The following DNAH3 variants were observed in gnomAD, a reference collection of about 807,000 sequenced individuals.
DNAH3 encodes the protein dynein axonemal heavy chain 3.
DNAH3 carries 332 observed loss-of-function variants against 432.5 expected under a neutral mutation model. That is an observed-to-expected ratio of 0.77 (90% CI 0.70 to 0.84). DNAH3 has a LOEUF of 0.84. DNAH3 is among the 40% of genes least tolerant of loss of function. The probability of loss-of-function intolerance (pLI) is 0.00; values close to 1 mark genes in which losing one functional copy is unlikely to be tolerated. For synonymous variants in DNAH3, 1,956 were observed against 1,900.2 expected, an observed-to-expected ratio of 1.03 and a Z score of -0.76; for missense variants, 4,861 against 5,114.0, an observed-to-expected ratio of 0.95 and a Z score of 1.51.
chr16:20,963,906 T>C, exon 53 of DNAH3: 1 of 1,614,144 alleles, frequency 6.2e-7, no homozygotes, highest in Non-Finnish European at 8.5e-7. Context: ...TGTAGAGATT[T>C]ATGAACCAAG....
intron 7 of DNAH3, among the ~76,000 whole-genome samples, chr16:21,133,405 C>A (rs1409634982): frequency 6.7e-6 from 1 of 149,324 alleles, no homozygotes; most frequent in East Asian, 2.0e-4. Context: ...CCCGCACACA[C>A]TTCATAGGCT....
At chr16:21,039,754 T>C (rs1458502557) in intron 33 of DNAH3, 98 bp downstream of exon 33, 1 of 925,064 alleles carries the variant, frequency 1.1e-6, no homozygotes, top group East Asian at 2.4e-5. Flanking sequence ...CTCAAGCTTC[T>C]CTCTCTTCTT....
intron 1 of DNAH3, among the ~76,000 whole-genome samples, chr16:21,148,649 T>C (rs2092816697): frequency 6.6e-6 from 1 of 151,924 alleles, no homozygotes; most frequent in Non-Finnish European, 1.5e-5. Flanking sequence ...CAGAACACAA[T>C]GGAAAGAGGG....
chr16:21,005,275 TTTC>T (rs1308965383), intron 41 of DNAH3, among the ~76,000 whole-genome samples: 3 of 147,402 alleles, frequency 2.0e-5, no homozygotes, highest in Non-Finnish European at 4.5e-5. Context: ...CCCTTCTTTC[TTTC>T]TTTCCTTCCT....
intron 24 of DNAH3, among the ~76,000 whole-genome samples, chr16:21,066,352 T>C (rs1312406197): frequency 1.3e-5 from 2 of 152,006 alleles, no homozygotes; most frequent in Non-Finnish European, 2.9e-5. Flanking sequence ...GAATTCACCT[T>C]TCCGAAACTA....
chr16:21,081,500 A>T, intron 20 of DNAH3, 136 bp downstream of exon 20: 1 of 587,906 alleles, frequency 1.7e-6, no homozygotes, highest in Non-Finnish European at 3.0e-6. Context: ...AGCTGCAGGT[A>T]ATTAAATAGC....
chr16:21,073,332 G>A (rs945106881), intron 21 of DNAH3, among the ~76,000 whole-genome samples: 3 of 152,138 alleles, frequency 2.0e-5, no homozygotes, highest in South Asian at 2.1e-4. Flanking sequence ...TAAGTGAGCT[G>A]TTCCCCAGGT....
chr16:20,964,151 C>A (rs954807790), exon 53 of DNAH3: 1 of 1,614,182 alleles, frequency 6.2e-7, no homozygotes, highest in Non-Finnish European at 8.5e-7. Flanking sequence ...ATGGAGAGAA[C>A]CTCCAAGATC....
At chr16:21,150,258 A>G in intron 1 of DNAH3, 32 bp downstream of exon 2, 1 of 436,622 alleles carries the variant, frequency 2.3e-6, no homozygotes, top group Middle Eastern at 3.4e-4. Flanking sequence ...AAATACAGGT[A>G]AAACAAGAAA....
intron 22 of DNAH3, 82 bp downstream of exon 22, chr16:21,070,628 T>G: frequency 1.2e-6 from 1 of 831,624 alleles, no homozygotes; most frequent in South Asian, 1.4e-5. Context: ...CTTTGTTAAC[T>G]GAACGTGAAA....
At chr16:20,947,770 G>GT (rs1039306814) in intron 57 of DNAH3, among the ~76,000 whole-genome samples, 8 of 151,604 alleles carry the variant, frequency 5.3e-5, no homozygotes, top group African/African-American at 1.5e-4. Context: ...AAAGTAAGTG[G>GT]TTTTTTTTGT....
At chr16:20,977,861 C>T (rs905017856) in intron 50 of DNAH3, among the ~76,000 whole-genome samples, 4 of 152,138 alleles carry the variant, frequency 2.6e-5, no homozygotes, top group Admixed American at 1.3e-4. Flanking sequence ...CAGACACGAC[C>T]GACCTCACCC....
chr16:20,997,143 G>T, intron 44 of DNAH3, 140 bp downstream of exon 44: 2 of 709,912 alleles, frequency 2.8e-6, no homozygotes, highest in Non-Finnish European at 2.3e-6. Flanking sequence ...GAAGCCTGTA[G>T]CCTACACATG....
intron 24 of DNAH3, among the ~76,000 whole-genome samples, chr16:21,066,424 C>T (rs186057390): frequency 6.6e-6 from 1 of 151,808 alleles, no homozygotes; most frequent in Non-Finnish European, 1.5e-5. Context: ...CTGGAGTGCA[C>T]TGGTGCAATC....
chr16:20,964,890 G>A (rs772210188), exon 53 of DNAH3: 29 of 1,614,018 alleles, frequency 1.8e-5, no homozygotes, highest in South Asian at 1.1e-4. Context: ...ACAGCAACAC[G>A]TCACCAGTCA....
intron 50 of DNAH3, among the ~76,000 whole-genome samples, chr16:20,978,319 A>G (rs1238542380): frequency 6.6e-6 from 1 of 152,156 alleles, no homozygotes; most frequent in African/African-American, 2.4e-5. Flanking sequence ...ACCTGAGGTC[A>G]GGAGTTTGAG....
chr16:21,037,908 G>A (rs150173830), exon 34 of DNAH3: 24 of 1,614,038 alleles, frequency 1.5e-5, no homozygotes, highest in East Asian at 1.1e-4. Context: ...CGCGCATACC[G>A]TAGTCATAGT....
intron 1 of DNAH3, among the ~76,000 whole-genome samples, chr16:21,153,462 C>G (rs1269275784): frequency 6.6e-6 from 1 of 152,134 alleles, no homozygotes; most frequent in African/African-American, 2.4e-5. Context: ...AGCACCCTGT[C>G]AAAACAGACC....
chr16:21,014,295 C>T (rs1221832738), intron 41 of DNAH3, among the ~76,000 whole-genome samples: 1 of 152,144 alleles, frequency 6.6e-6, no homozygotes, highest in Non-Finnish European at 1.5e-5. Flanking sequence ...ATAAGTCTGG[C>T]TCAACATTTG....
Sources: gnomAD v4.1 joint callset for allele counts (sites outside exome capture counted in the v4.1 genomes callset) on GRCh38, gnomAD v4.1.1 for gene constraint, MANE v1.5 for transcripts, NCBI Gene and HGNC (gene_info 2026-07-23, HGNC 2026-07-21) for gene names.